FCHO1: variants seen among roughly 807,000 people sequenced by gnomAD.
The protein encoded by FCHO1 is F-BAR domain only protein 1.
In FCHO1, 45 loss-of-function variants were observed where a neutral mutation model predicts 114.4. The ratio of observed to expected loss-of-function variants is 0.39; its 90% CI spans 0.31 to 0.50. The LOEUF (loss-of-function observed/expected upper bound fraction) is 0.50. Among genes scored for constraint, FCHO1 ranks in the 20% least tolerant of loss-of-function variants. The probability of loss-of-function intolerance (pLI) is 0.77; values close to 1 mark genes in which losing one functional copy is unlikely to be tolerated. For missense variants in FCHO1, 1,042 were observed against 1,209.6 expected (o/e 0.86, Z 2.06); for synonymous variants, 480 against 488.9 (o/e 0.98, Z 0.24).
chr19:17,773,897 CTCTCTCT>C (rs1190867935), intron 11 of FCHO1, among the ~76,000 whole-genome samples: 1 of 67,186 alleles, frequency 1.5e-5, no homozygotes, highest in Non-Finnish European at 3.7e-5. Flanking sequence ...TTCTCTCTCT[CTCTCTCT>C]TTTTTTTTTT....
chr19:17,749,167 G>A (rs920108892), upstream of FCHO1, among the ~76,000 whole-genome samples: 1 of 152,186 alleles, frequency 6.6e-6, no homozygotes, highest in Non-Finnish European at 1.5e-5. Context: ...GCGAGGTCCT[G>A]GGCAGGAGGG....
intron 28 of FCHO1, 163 bp from the exon 29 acceptor site, chr19:17,788,120 GC>G: frequency 5.9e-6 from 4 of 675,456 alleles, no homozygotes; most frequent in Non-Finnish European, 1.1e-5. Flanking sequence ...CTGTTCTCCT[GC>G]CCCCAACAAG....
At chr19:17,755,045 C>T in intron 3 of FCHO1, 73 bp from the exon 4 acceptor site, 1 of 909,716 alleles carries the variant, frequency 1.1e-6, no homozygotes, top group East Asian at 2.4e-5. Context: ...CCTTCCTCTA[C>T]AGGGAGGGAC....
chr19:17,758,210 G>A (rs766793233), intron 4 of FCHO1, among the ~76,000 whole-genome samples: 6 of 150,996 alleles, frequency 4.0e-5, no homozygotes, highest in Non-Finnish European at 5.9e-5. Flanking sequence ...GTGAGACTCC[G>A]TCTCAAAAAA....
rs200218825 is a variant in FCHO1 at position 17,778,740 on chromosome 19, C to T, written c.1483C>T (p.Arg495Cys). The T allele has an allele frequency of 2.2e-4, 333 of 1,540,048 alleles. 1 individual carries two copies. In the African/African-American group the frequency reaches 3.7e-3, roughly 17 times the overall value. Residue 495 changes from arginine (R) to cysteine (C), a missense_variant, in exon 20 of 29, where the codon CGC becomes TGC. Coordinates refer to ENST00000596536, the MANE Select transcript of FCHO1 (RefSeq NM_015122.3). ...PGPSPDSWVP[R>C]PGTPQSPPSC... is the part of the protein sequence containing the mutation. ...CCCCTCCCCAGATTCCTGGGTCCCC[C>T]GCCCAGGCACCCCGCAGAGCCCGCC...
chr19:17,760,158 T>C (rs748237837), intron 4 of FCHO1, among the ~76,000 whole-genome samples: 1 of 152,060 alleles, frequency 6.6e-6, no homozygotes, highest in African/African-American at 2.4e-5. Flanking sequence ...TTCAAGCGAT[T>C]CTCCTGCCTC....
At chr19:17,766,949 G>C (rs2146775066) in intron 7 of FCHO1, 139 bp downstream of exon 7, 1 of 966,572 alleles carries the variant, frequency 1.0e-6, no homozygotes, top group Non-Finnish European at 1.5e-6. Context: ...GTCAAGCCCA[G>C]GGTCTTACGG....
intron 18 of FCHO1, among the ~76,000 whole-genome samples, chr19:17,777,113 G>A (rs2092725579): frequency 6.6e-6 from 1 of 151,898 alleles, no homozygotes; most frequent in Admixed American, 6.6e-5. Context: ...TGGCTTTTGA[G>A]GGACCATTTA....
intron 5 of FCHO1, among the ~76,000 whole-genome samples, chr19:17,764,043 T>TG (rs2087620577): frequency 8.8e-6 from 1 of 113,592 alleles, no homozygotes; most frequent in African/African-American, 3.1e-5. Flanking sequence ...AGCTTCTTCA[T>TG]CTTTTTTTTT....
At chr19:17,766,971 G>A (rs1488657173) in intron 7 of FCHO1, among the ~76,000 whole-genome samples, 161 bp downstream of exon 7, 1 of 152,112 alleles carries the variant, frequency 6.6e-6, no homozygotes, top group African/African-American at 2.4e-5. Context: ...CCTGAGCGTT[G>A]TTGAATTTCA....
At chr19:17,766,335 A>G (rs1412334869) in intron 6 of FCHO1, among the ~76,000 whole-genome samples, 1 of 151,598 alleles carries the variant, frequency 6.6e-6, no homozygotes, top group Non-Finnish European at 1.5e-5. Context: ...CGGGGGTTTC[A>G]CCATGTTGCT....
rs372919359 is a variant in FCHO1, at chr19:17,776,069, G to A, written c.1090G>A (p.Ala364Thr). ...CAAGTTCTATGTGCACATCAAGCCTGCCCCGGCCCGGGCTCCAGCCTGCAG... is the reference window on the plus strand; with the variant it reads ...CAAGTTCTATGTGCACATCAAGCCTACCCCGGCCCGGGCTCCAGCCTGCAG... The part of the protein sequence containing the change: ...PRKFYVHIKP[A>T]PARAPACSPE... The change falls in exon 16 of 29, where the codon GCC becomes ACC. Residue 364 changes from alanine to threonine, a missense_variant. Physicochemically the swap from Ala to Thr is moderately conservative, Grantham distance 58. Coordinates refer to ENST00000596536, the MANE Select transcript of FCHO1 (RefSeq NM_015122.3). This position sits in a 1 kb window ranked among gnomAD's most constrained non-coding sequence, Gnocchi z 4.4. The A allele has an allele frequency of 3.7e-6, 6 of 1,611,264 alleles. No individual in the cohort carries two copies. The highest frequency in any genetic ancestry group is 5.1e-6 in the Non-Finnish European group (6 of 1,179,970).
At chr19:17,777,985 G>A (rs1309130619) in intron 18 of FCHO1, 152 bp from the exon 19 acceptor site, 1 of 587,598 alleles carries the variant, frequency 1.7e-6, no homozygotes, top group Admixed American at 2.9e-5. Flanking sequence ...GTTGCAGCAA[G>A]CTGAGATCGT....
chr19:17,770,169 T>C (rs937300089), intron 7 of FCHO1, among the ~76,000 whole-genome samples: 2 of 151,972 alleles, frequency 1.3e-5, no homozygotes, highest in Admixed American at 6.6e-5. Context: ...GGTGTGATGG[T>C]GAGCACCTGT....
At chr19:17,786,895 GCAATAGA>G (rs2093947531) in intron 27 of FCHO1, among the ~76,000 whole-genome samples, 1 of 151,772 alleles carries the variant, frequency 6.6e-6, no homozygotes, top group African/African-American at 2.4e-5. Context: ...TCTAGCCTGG[GCAATAGA>G]GCCAGACTCT....
intron 4 of FCHO1, among the ~76,000 whole-genome samples, chr19:17,760,138 G>A (rs1051324898): frequency 6.6e-6 from 1 of 151,318 alleles, no homozygotes; most frequent in Non-Finnish European, 1.5e-5. Context: ...TACAACCTCT[G>A]CCTCCCGGGT....
intron 24 of FCHO1, among the ~76,000 whole-genome samples, chr19:17,783,882 C>T (rs2093647151): frequency 6.6e-6 from 1 of 152,184 alleles, no homozygotes; most frequent in East Asian, 1.9e-4. Context: ...CACCCAGCCA[C>T]CTCCTGGGAT....
At chr19:17,748,096 A>G (rs907224324), upstream of FCHO1, among the ~76,000 whole-genome samples, 2 of 151,944 alleles carry the variant, frequency 1.3e-5, no homozygotes, top group Non-Finnish European at 2.9e-5. Flanking sequence ...CCCCTCCCCA[A>G]ATTCTTTTAT....
intron 4 of FCHO1, 145 bp downstream of exon 4, chr19:17,755,336 G>C (rs947149808): frequency 2.6e-6 from 2 of 769,402 alleles, no homozygotes; most frequent in Non-Finnish European, 4.3e-6. Flanking sequence ...GAAGAGTCAG[G>C]CTGGGTTTGA....
Sources: allele counts gnomAD v4.1 joint callset (sites outside exome capture counted in the v4.1 genomes callset), GRCh38; gene constraint gnomAD v4.1.1; non-coding constraint Gnocchi (gnomAD v3.1); transcripts MANE v1.5; gene names NCBI Gene and HGNC (gene_info 2026-07-23, HGNC 2026-07-21).